The following KIAA1217 variants were observed in gnomAD, a reference collection of about 807,000 sequenced individuals.
The protein encoded by KIAA1217 is sickle tail protein homolog.
KIAA1217 carries 88 observed loss-of-function variants against 163.9 expected under a neutral mutation model. That is an observed-to-expected ratio of 0.54 (90% CI 0.45 to 0.64). KIAA1217 has a LOEUF of 0.64. Ranked by LOEUF, KIAA1217 falls within the 30% of genes least tolerant of loss-of-function variation. The probability of loss-of-function intolerance (pLI) is 0.00; values close to 1 mark genes in which losing one functional copy is unlikely to be tolerated. For synonymous variants in KIAA1217, 903 were observed against 923.1 expected (o/e 0.98, Z 0.39); for missense variants, 2,372 against 2,475.0 (o/e 0.96, Z 0.88).
intron 2 of KIAA1217, among the ~76,000 whole-genome samples, chr10:24,346,124 G>A (rs142903152): frequency 4.6e-5 from 7 of 152,222 alleles, no homozygotes; most frequent in Non-Finnish European, 8.8e-5. Context: ...ATGTCCTCAA[G>A]GTTCACGTAT....
chr10:24,157,930 C>T (rs565877234), intron 2 of KIAA1217: 228 of 715,690 alleles, frequency 3.2e-4, no homozygotes, highest in Non-Finnish European at 5.0e-4. Context: ...ATGCCCAGTT[C>T]TTACCTGGAT....
At chr10:23,938,146 C>T (rs894853041) in intron 1 of KIAA1217, among the ~76,000 whole-genome samples, 2 of 152,154 alleles carry the variant, frequency 1.3e-5, no homozygotes, top group Non-Finnish European at 2.9e-5. Flanking sequence ...ATGAACCACT[C>T]AAAAGGTCAC....
At chr10:24,340,591 G>A (rs11014037) in intron 2 of KIAA1217, among the ~76,000 whole-genome samples, 12 of 152,000 alleles carry the variant, frequency 7.9e-5, no homozygotes, top group South Asian at 2.1e-4. Flanking sequence ...CCCTCCACCC[G>A]CATCTCTTCC....
intron 2 of KIAA1217, among the ~76,000 whole-genome samples, chr10:24,064,805 G>T (rs141220505): frequency 0.017 from 2,638 of 152,192 alleles, 53 homozygotes; most frequent in Non-Finnish European, 0.022. Flanking sequence ...CTTAATTATT[G>T]CCCCAATTTC....
chr10:23,946,502 C>T (rs1015933382), intron 1 of KIAA1217, among the ~76,000 whole-genome samples: 2 of 151,884 alleles, frequency 1.3e-5, no homozygotes, highest in Non-Finnish European at 2.9e-5. Flanking sequence ...AGTTTAAATT[C>T]CCTTACTTAT....
Position 23,888,876 on chromosome 10 carries a change from A to G in KIAA1217, c.-320-118349A>G, listed in dbSNP as rs193005946. Among the ~76,000 whole-genome samples the G allele has an allele frequency of 4.8e-4, 73 of 151,854 alleles. No homozygotes were observed. The East Asian group carries it at 0.01, about 22-fold the overall frequency. On this transcript the variant is annotated intron_variant, in intron 1 of 18. Transcript: ENST00000376462. The stretch of plus-strand genomic sequence containing the variant: ...TACCTCTTCCCACCCCTAGCAACCA[A>G]CCGATCTGACATTTAGCACTAGTGA...
chr10:24,478,514 A>G (rs1290364111), intron 6 of KIAA1217, among the ~76,000 whole-genome samples: 2 of 152,220 alleles, frequency 1.3e-5, no homozygotes, highest in African/African-American at 4.8e-5. Context: ...GTGACAGATC[A>G]TAGCTGCTTT....
chr10:24,194,605 G>A (rs372538320), intron 2 of KIAA1217, among the ~76,000 whole-genome samples: 72 of 151,056 alleles, frequency 4.8e-4, no homozygotes, highest in African/African-American at 1.7e-3. Context: ...AGACAGTCTC[G>A]CTCTGTCAAC....
chr10:24,370,507 C>T (rs895196235), intron 2 of KIAA1217, among the ~76,000 whole-genome samples: 1 of 152,104 alleles, frequency 6.6e-6, no homozygotes, highest in African/African-American at 2.4e-5. Flanking sequence ...AAACATTGTT[C>T]GTGCCTTTAT....
intron 1 of KIAA1217, among the ~76,000 whole-genome samples, chr10:23,928,179 T>C (rs534646363): frequency 2.0e-4 from 30 of 152,328 alleles, no homozygotes; most frequent in African/African-American, 7.2e-4. Flanking sequence ...GGAAGCCACA[T>C]CTGGCAGCTC....
At chr10:24,479,869 A>G (rs187934597) in intron 6 of KIAA1217, among the ~76,000 whole-genome samples, 140 of 152,284 alleles carry the variant, frequency 9.2e-4, no homozygotes, top group African/African-American at 3.3e-3. Flanking sequence ...AATGAATCCA[A>G]TCTCTTAAAA....
chr10:23,994,141 T>C (rs779805387), intron 1 of KIAA1217, among the ~76,000 whole-genome samples: 5 of 152,176 alleles, frequency 3.3e-5, no homozygotes, highest in Non-Finnish European at 7.3e-5. Context: ...AACCTGGTCA[T>C]GACTGTGCTG....
At chr10:23,935,834 T>C (rs1156988932) in intron 1 of KIAA1217, among the ~76,000 whole-genome samples, 1 of 152,190 alleles carries the variant, frequency 6.6e-6, no homozygotes, top group Non-Finnish European at 1.5e-5. Flanking sequence ...TTTTTTAAAA[T>C]CACTTTTCTA....
chr10:24,087,385 C>A (rs1306024873), intron 2 of KIAA1217, among the ~76,000 whole-genome samples: 1 of 152,128 alleles, frequency 6.6e-6, no homozygotes, highest in East Asian at 1.9e-4. Flanking sequence ...CTTCTGCAAC[C>A]ATATGTACGG....
Position 24,534,872 on chromosome 10 carries a change from ACT to A in KIAA1217, c.3414+1638_3414+1639del, listed in dbSNP as rs532122767. Among the ~76,000 whole-genome samples, 595 of 136,718 alleles carry A rather than the reference ACT, an allele frequency of 4.4e-3. 2 individuals are homozygous for A. The highest frequency in any genetic ancestry group is 0.014 in the East Asian group (64 of 4,724). The allele number at this position is 136,718 out of a possible 152,430, so 89.7% of individuals were successfully genotyped here. A position where few individuals can be genotyped will look rare whatever the true frequency, so the allele number is the denominator to read the frequency against. The stretch of plus-strand genomic sequence containing the variant: ...CTTCAGCCTGGGTGACAAGAGTGAA[ACT>A]CTGTCTCAAAAAAAAAAAAAAAAAA... On this transcript the variant is annotated intron_variant, in intron 16 of 20. Transcript: ENST00000376454.
chr10:24,246,591 T>C (rs949508507), intron 2 of KIAA1217, among the ~76,000 whole-genome samples: 2 of 152,252 alleles, frequency 1.3e-5, no homozygotes, highest in African/African-American at 4.8e-5. Flanking sequence ...CATAACCAAG[T>C]TATATTTAGT....
intron 2 of KIAA1217, among the ~76,000 whole-genome samples, chr10:24,072,835 A>G (rs968928441): frequency 1.3e-5 from 2 of 152,132 alleles, no homozygotes; most frequent in Admixed American, 6.5e-5. Context: ...AGGTGTCCCT[A>G]ATAAAGCCTG....
At chr10:23,846,472 G>A (rs1456321548) in intron 1 of KIAA1217, among the ~76,000 whole-genome samples, 3 of 151,746 alleles carry the variant, frequency 2.0e-5, no homozygotes, top group Admixed American at 6.6e-5. Flanking sequence ...GTATTCCTAG[G>A]CTTTTATTCT....
intron 2 of KIAA1217, among the ~76,000 whole-genome samples, chr10:24,058,181 T>C (rs2060594332): frequency 6.6e-6 from 1 of 152,210 alleles, no homozygotes; most frequent in Non-Finnish European, 1.5e-5. Flanking sequence ...CCTTAGTACC[T>C]TTGTTGAAGA....
Sources: allele counts gnomAD v4.1 joint callset (sites outside exome capture counted in the v4.1 genomes callset), GRCh38; gene constraint gnomAD v4.1.1; transcripts MANE v1.5; gene names NCBI Gene and HGNC (gene_info 2026-07-23, HGNC 2026-07-21).